LRP1B: variants seen among roughly 807,000 people sequenced by gnomAD.
LRP1B encodes LDL receptor related protein 1B, also known as low-density lipoprotein receptor-related protein 1B.
In LRP1B, 217 loss-of-function variants were observed where a neutral mutation model predicts 556.6. The ratio of observed to expected loss-of-function variants is 0.39; its 90% CI spans 0.35 to 0.44. The LOEUF is 0.44. Ranked by LOEUF, LRP1B falls within the 20% of genes least tolerant of loss-of-function variation. The probability of loss-of-function intolerance (pLI) is 1.00; values close to 1 mark genes in which losing one functional copy is unlikely to be tolerated. For synonymous variants in LRP1B, 2,047 were observed against 1,865.8 expected (o/e 1.10, Z -2.50); for missense variants, 5,053 against 5,620.8 (o/e 0.90, Z 3.23).
At chr2:141,822,128 C>CAGAGAGAGAG (rs1364248949) in intron 1 of LRP1B, among the ~76,000 whole-genome samples, 86 of 117,156 alleles carry the variant, frequency 7.3e-4, no homozygotes, top group African/African-American at 2.2e-3. Flanking sequence ...CACACACACA[C>CAGAGAGAGAG]ACAGAGAGAG....
At chr2:140,310,376 C>T (rs1441183523) in intron 83 of LRP1B, among the ~76,000 whole-genome samples, 2 of 139,474 alleles carry the variant, frequency 1.4e-5, no homozygotes, top group Non-Finnish European at 3.1e-5. Context: ...CCATTTTTCC[C>T]AGAATTAGAA....
intron 7 of LRP1B, among the ~76,000 whole-genome samples, chr2:141,127,341 A>T (rs1207494391): frequency 6.6e-6 from 1 of 152,142 alleles, no homozygotes; most frequent in Non-Finnish European, 1.5e-5. Flanking sequence ...TGACTCCTCA[A>T]GGATCTAGAA....
chr2:141,316,497 G>A (rs926664262), intron 3 of LRP1B, among the ~76,000 whole-genome samples: 1 of 152,102 alleles, frequency 6.6e-6, no homozygotes, highest in African/African-American at 2.4e-5. Flanking sequence ...TAAAAATGTA[G>A]CACCAAGAAA....
chr2:140,969,153 C>G (rs1199049089), intron 18 of LRP1B, among the ~76,000 whole-genome samples: 1 of 152,076 alleles, frequency 6.6e-6, no homozygotes, highest in Non-Finnish European at 1.5e-5. Flanking sequence ...CATTATTATT[C>G]TGTGGGAGTC....
chr2:141,746,457 A>G (rs746348427), intron 2 of LRP1B, among the ~76,000 whole-genome samples: 3 of 151,978 alleles, frequency 2.0e-5, no homozygotes, highest in Non-Finnish European at 2.9e-5. Context: ...GTATCTCACA[A>G]TCACTGTGCT....
At chr2:141,421,309 A>G (rs1680130141) in intron 3 of LRP1B, among the ~76,000 whole-genome samples, 1 of 152,210 alleles carries the variant, frequency 6.6e-6, no homozygotes, top group South Asian at 2.1e-4. Context: ...TGGGCGGATC[A>G]CGAGGTCAGG....
chr2:141,500,728 A>G (rs1318300683), intron 2 of LRP1B, among the ~76,000 whole-genome samples: 1 of 152,140 alleles, frequency 6.6e-6, no homozygotes, highest in Non-Finnish European at 1.5e-5. Flanking sequence ...TCATCCATAT[A>G]GATAACACTT....
intron 1 of LRP1B, among the ~76,000 whole-genome samples, chr2:141,862,104 C>A (rs1285478150): frequency 1.3e-5 from 2 of 151,818 alleles, no homozygotes; most frequent in Admixed American, 1.3e-4. Context: ...CAAAATAAAC[C>A]TTTTATAATG....
chr2:140,870,064 C>A (rs1693078130), intron 25 of LRP1B, among the ~76,000 whole-genome samples: 1 of 151,566 alleles, frequency 6.6e-6, no homozygotes, highest in South Asian at 2.1e-4. Context: ...AAGAAAACTT[C>A]TTTCAAAAGA....
chr2:141,462,149 C>T (rs192303500), intron 3 of LRP1B, among the ~76,000 whole-genome samples: 6 of 152,266 alleles, frequency 3.9e-5, no homozygotes, highest in Admixed American at 3.3e-4. Flanking sequence ...CTTTTATTTG[C>T]TGGATCATCC....
At chr2:141,777,076 A>T (rs1695103638) in intron 2 of LRP1B, among the ~76,000 whole-genome samples, 1 of 152,190 alleles carries the variant, frequency 6.6e-6, no homozygotes, top group Admixed American at 6.5e-5. Flanking sequence ...GGGGGTTAGG[A>T]CTGCTAGGAC....
chr2:140,773,477 G>T (rs1217033758), intron 33 of LRP1B, among the ~76,000 whole-genome samples: 47 of 151,678 alleles, frequency 3.1e-4, no homozygotes, highest in Admixed American at 3.1e-3. Context: ...TCAAAAAATA[G>T]ATAAATAAAT....
At chr2:140,455,839 G>A (rs1312673000) in intron 62 of LRP1B, among the ~76,000 whole-genome samples, 1 of 152,138 alleles carries the variant, frequency 6.6e-6, no homozygotes, top group African/African-American at 2.4e-5. Flanking sequence ...AATCCAACAA[G>A]ATAGTGGCTC....
At chr2:140,940,654 G>A (rs1417720136) in intron 20 of LRP1B, among the ~76,000 whole-genome samples, 1 of 152,094 alleles carries the variant, frequency 6.6e-6, no homozygotes, top group Non-Finnish European at 1.5e-5. Context: ...GAGACAGACT[G>A]TTCGCCAAGT....
At chr2:140,286,050 A>T (rs1683137452) in intron 84 of LRP1B, among the ~76,000 whole-genome samples, 1 of 151,876 alleles carries the variant, frequency 6.6e-6, no homozygotes, top group Admixed American at 6.6e-5. Context: ...TTTATAAATA[A>T]AACAGTACAA....
intron 84 of LRP1B, among the ~76,000 whole-genome samples, chr2:140,277,113 A>G (rs1017949092): frequency 6.6e-6 from 1 of 151,846 alleles, no homozygotes; most frequent in Admixed American, 6.6e-5. Flanking sequence ...ACCCCTGAAA[A>G]GACCCAAATA....
At position 140,358,860 on chromosome 2, in the gene LRP1B, C is replaced by T. The variant is rs1338371264; in HGVS notation, c.11218G>A (p.Asp3740Asn). ...TCATCTGAATTGTCACCGCATTCAT[C>T]AATCCCATTGCACATTTGCTCCGAC... is the stretch of plus-strand genomic sequence containing the variant. The part of the protein sequence containing the change: ...LQSEQMCNGI[D>N]ECGDNSDEDH... The change falls in exon 73 of 91, where the codon GAT (aspartate) becomes AAT (asparagine). Residue 3740 changes from aspartate (D) to asparagine (N), a missense_variant. This residue lies in a region of LRP1B where 599 missense variants were observed against 648.4 expected (regional missense o/e 0.92). Transcript: ENST00000389484. The T allele has an allele frequency of 6.2e-7, 1 of 1,609,248 alleles. No individual in the cohort carries two copies. Among genetic ancestry groups the T allele is most frequent in the Non-Finnish European group, 8.5e-7 (1 of 1,176,384 alleles).
intron 56 of LRP1B, 39 bp downstream of exon 56, chr2:140,495,526 T>C (rs768218619): frequency 4.5e-6 from 7 of 1,539,568 alleles, no homozygotes; most frequent in Non-Finnish European, 6.2e-6. Flanking sequence ...TCCATATGTA[T>C]AACTGAGGTT....
At chr2:141,584,387 G>GT (rs1687058130) in intron 2 of LRP1B, among the ~76,000 whole-genome samples, 1 of 152,206 alleles carries the variant, frequency 6.6e-6, no homozygotes, top group Non-Finnish European at 1.5e-5. Flanking sequence ...AAAGGAGCCA[G>GT]ATTTGGTAAG....
Sources: allele counts gnomAD v4.1 joint callset (sites outside exome capture counted in the v4.1 genomes callset), GRCh38; gene constraint gnomAD v4.1.1; regional missense constraint gnomAD v4.1.1; transcripts MANE v1.5; gene names NCBI Gene and HGNC (gene_info 2026-07-23, HGNC 2026-07-21).